Variants in SGCZ observed in about 807,000 individuals in gnomAD.
SGCZ encodes zeta-sarcoglycan.
Under a neutral mutation model 41.3 loss-of-function variants are expected in SGCZ, and 40 were observed. The ratio of observed to expected loss-of-function variants is 0.97; its 90% CI spans 0.75 to 1.26. SGCZ has a LOEUF of 1.26. SGCZ is among the 50% of genes most tolerant of loss of function. The probability of loss-of-function intolerance (pLI) is 0.00; values close to 1 mark genes in which losing one functional copy is unlikely to be tolerated. For synonymous variants in SGCZ, 206 were observed against 137.5 expected (o/e 1.50, Z -3.49); for missense variants, 552 against 369.8 (o/e 1.49, Z -4.04).
intron 2 of SGCZ, among the ~76,000 whole-genome samples, chr8:14,358,591 T>C (rs1344083272): frequency 6.6e-6 from 1 of 152,158 alleles, no homozygotes; most frequent in African/African-American, 2.4e-5. Flanking sequence ...ATAATTAGGT[T>C]AGACAAATAT....
At chr8:15,080,492 C>A (rs1805701088) in intron 1 of SGCZ, among the ~76,000 whole-genome samples, 1 of 152,138 alleles carries the variant, frequency 6.6e-6, no homozygotes, top group Non-Finnish European at 1.5e-5. Flanking sequence ...TATGTCTTAA[C>A]CTCCAGTACC....
At chr8:14,323,594 T>A (rs1485965667) in intron 3 of SGCZ, among the ~76,000 whole-genome samples, 1 of 152,146 alleles carries the variant, frequency 6.6e-6, no homozygotes, top group Admixed American at 6.6e-5. Flanking sequence ...AGGTAGCACA[T>A]GTGAACACAC....
At chr8:14,791,811 CT>C (rs992551205) in intron 1 of SGCZ, among the ~76,000 whole-genome samples, 2 of 152,142 alleles carry the variant, frequency 1.3e-5, no homozygotes, top group Non-Finnish European at 2.9e-5. Flanking sequence ...TAAATTAAAC[CT>C]CCTCAGGACA....
At chr8:14,505,883 T>C (rs940428605) in intron 2 of SGCZ, among the ~76,000 whole-genome samples, 1 of 152,174 alleles carries the variant, frequency 6.6e-6, no homozygotes, top group African/African-American at 2.4e-5. Context: ...CAATCTGTGT[T>C]TTAGCAAGCT....
rs561694056 is a variant in SGCZ, at chr8:14,418,344, G to T, written c.235-94140C>A. On this transcript the variant is annotated intron_variant, in intron 2 of 7. Coordinates refer to ENST00000382080, the MANE Select transcript of SGCZ (RefSeq NM_139167.4). Reference sequence around the variant, plus strand: ...TGGGTCTAAGGAGTGGCTCCTTAAAGCATTAGTTTTAAGAATTCACTTATT... The same window carrying T: ...TGGGTCTAAGGAGTGGCTCCTTAAATCATTAGTTTTAAGAATTCACTTATT... Among the ~76,000 whole-genome samples, 188 of 151,954 alleles carry T rather than the reference G, an allele frequency of 1.2e-3. 1 individual carries two copies. The highest frequency in any genetic ancestry group is 3.8e-3 in the African/African-American group (157 of 41,500).
At chr8:14,137,910 A>ATATT (rs960059122) in intron 5 of SGCZ, among the ~76,000 whole-genome samples, 1 of 152,210 alleles carries the variant, frequency 6.6e-6, no homozygotes, top group South Asian at 2.1e-4. Flanking sequence ...GAAGGAAAAA[A>ATATT]TATTAAGGGC....
chr8:14,994,597 A>AG (rs1023821642), intron 1 of SGCZ, among the ~76,000 whole-genome samples: 14 of 151,638 alleles, frequency 9.2e-5, no homozygotes, highest in Non-Finnish European at 2.1e-4. Context: ...AAAAAAAAAA[A>AG]AAGAAGAAGA....
chr8:14,200,028 A>T (rs1352072174), intron 4 of SGCZ, among the ~76,000 whole-genome samples: 1 of 152,194 alleles, frequency 6.6e-6, no homozygotes, highest in Admixed American at 6.5e-5. Flanking sequence ...GTAAACAGAA[A>T]CGTATTCTTA....
chr8:14,604,972 T>C (rs1013349847), intron 1 of SGCZ, among the ~76,000 whole-genome samples: 2 of 152,204 alleles, frequency 1.3e-5, no homozygotes, highest in African/African-American at 4.8e-5. Context: ...TATTAATTGA[T>C]GTTATATGAC....
chr8:14,448,270 G>A (rs1172399879), intron 2 of SGCZ, among the ~76,000 whole-genome samples: 1 of 152,114 alleles, frequency 6.6e-6, no homozygotes, highest in African/African-American at 2.4e-5. Context: ...CTAAAATGAG[G>A]ATACATATTA....
At chr8:15,106,747 GA>G (rs1806841164) in intron 1 of SGCZ, among the ~76,000 whole-genome samples, 1 of 151,674 alleles carries the variant, frequency 6.6e-6, no homozygotes, top group Admixed American at 6.6e-5. Context: ...ATCTGATTAT[GA>G]ATTTAAAAAT....
chr8:14,870,632 C>A (rs1202908388), intron 1 of SGCZ, among the ~76,000 whole-genome samples: 2 of 152,022 alleles, frequency 1.3e-5, no homozygotes, highest in Non-Finnish European at 2.9e-5. Flanking sequence ...AAGAAACTAT[C>A]ATCAGAGTGA....
intron 1 of SGCZ, among the ~76,000 whole-genome samples, chr8:15,061,664 G>A (rs1804940328): frequency 6.6e-6 from 1 of 150,754 alleles, no homozygotes; most frequent in African/African-American, 2.4e-5. Context: ...TGCCATGTGA[G>A]GATACCATTT....
At chr8:14,178,627 C>G (rs1031227881) in intron 4 of SGCZ, among the ~76,000 whole-genome samples, 1 of 152,174 alleles carries the variant, frequency 6.6e-6, no homozygotes, top group African/African-American at 2.4e-5. Context: ...TTCTGAATCA[C>G]CAGCAAAGAT....
chr8:14,327,963 T>C (rs945000117), intron 2 of SGCZ, among the ~76,000 whole-genome samples: 2 of 152,172 alleles, frequency 1.3e-5, no homozygotes, highest in African/African-American at 4.8e-5. Context: ...GTACTTTTAG[T>C]AGAGACAGGG....
rs116766009 is a variant in SGCZ, at chr8:14,691,403, A to C, written c.40-136477T>G. Among the ~76,000 whole-genome samples, 262 of 152,228 alleles carry C rather than the reference A, an allele frequency of 1.7e-3. 1 individual carries two copies. The highest frequency in any genetic ancestry group is 6.0e-3 in the African/African-American group (251 of 41,554). Reference sequence around the variant, plus strand: ...AGTCAACCGATACATGAACAAACAAACTGTAAATGAGGGAAAGAAAGAAAG... The same window carrying C: ...AGTCAACCGATACATGAACAAACAACCTGTAAATGAGGGAAAGAAAGAAAG... On this transcript the variant is annotated intron_variant, in intron 1 of 7. Coordinates refer to ENST00000382080, the MANE Select transcript of SGCZ (RefSeq NM_139167.4).
At position 14,762,831 on chromosome 8, in the gene SGCZ, T is replaced by C. The variant is rs148100442; in HGVS notation, c.40-207905A>G. 2.1e-3 allele frequency among the ~76,000 whole-genome samples: 325 copies of C among 152,320 alleles called. 4 individuals are homozygous for C. Among genetic ancestry groups the C allele is most frequent in the African/African-American group, 7.4e-3 (308 of 41,584 alleles). ...TTAGTGGGCTTTGCAAAGAGATATC[T>C]CTGTCTTCAAATGATCAGTTAGTAT... On this transcript the variant is annotated intron_variant, in intron 1 of 7. Coordinates refer to ENST00000382080, the MANE Select transcript of SGCZ (RefSeq NM_139167.4).
chr8:15,199,905 T>C (rs765694906), intron 1 of SGCZ, among the ~76,000 whole-genome samples: 13 of 152,154 alleles, frequency 8.5e-5, no homozygotes, highest in Non-Finnish European at 1.8e-4. Flanking sequence ...AACCAACCAC[T>C]CACAACATCA....
chr8:15,152,794 G>T (rs1799219594), intron 1 of SGCZ, among the ~76,000 whole-genome samples: 1 of 152,152 alleles, frequency 6.6e-6, no homozygotes, highest in African/African-American at 2.4e-5. Context: ...ATTGTCTAGA[G>T]CAAAAATACC....
Sources: gnomAD v4.1 joint callset for allele counts (sites outside exome capture counted in the v4.1 genomes callset) on GRCh38, gnomAD v4.1.1 for gene constraint, MANE v1.5 for transcripts, NCBI Gene and HGNC (gene_info 2026-07-23, HGNC 2026-07-21) for gene names.